Variants in SDK1 observed in about 807,000 individuals in gnomAD.
The protein encoded by SDK1 is sidekick cell adhesion molecule 1.
SDK1 carries 157 observed loss-of-function variants against 245.5 expected under a neutral mutation model. The ratio of observed to expected loss-of-function variants is 0.64; its 90% CI spans 0.56 to 0.73. The LOEUF (loss-of-function observed/expected upper bound fraction) is 0.73, where lower values mean the gene tolerates loss of function less well. Among genes scored for constraint, SDK1 ranks in the 30% least tolerant of loss-of-function variants. The pLI, the probability that SDK1 is intolerant of heterozygous loss-of-function variation, is 0.00. For missense variants in SDK1, 3,583 were observed against 3,002.3 expected (o/e 1.19, Z -4.52); for synonymous variants, 1,647 against 1,278.5 (o/e 1.29, Z -6.15).
intron 1 of SDK1, among the ~76,000 whole-genome samples, chr7:3,404,075 C>T (rs1044621760): frequency 1.3e-5 from 2 of 151,058 alleles, no homozygotes; most frequent in Admixed American, 1.3e-4. Flanking sequence ...AGAGTACATA[C>T]CTTAATTAAA....
intron 5 of SDK1, among the ~76,000 whole-genome samples, chr7:3,829,981 A>C (rs1027286873): frequency 2.6e-5 from 4 of 152,212 alleles, no homozygotes; most frequent in Admixed American, 1.3e-4. Flanking sequence ...ACAATAAGTC[A>C]CAATTTCTGA....
intron 4 of SDK1, among the ~76,000 whole-genome samples, chr7:3,680,729 A>G (rs979354607): frequency 6.6e-6 from 1 of 152,236 alleles, no homozygotes; most frequent in Non-Finnish European, 1.5e-5. Flanking sequence ...AACCTGTGGC[A>G]TCTGAGAATC....
rs375531390 is a variant in SDK1 at position 4,174,212 on chromosome 7, G to A, written c.4801-10G>A. 24 of 1,613,862 alleles carry A rather than the reference G, an allele frequency of 1.5e-5. No homozygotes were observed. Among genetic ancestry groups the A allele is most frequent in the Non-Finnish European group, 1.9e-5 (23 of 1,179,930 alleles). On this transcript the variant is annotated splice_polypyrimidine_tract_variant and intron_variant, in intron 32 of 44. Coordinates refer to ENST00000404826, the MANE Select transcript of SDK1 (RefSeq NM_152744.4). Reference sequence around the variant, plus strand: ...CATGGTGTGGCTGAGTCGGTGTGATGTCTTTGCAGCCTCCGAGGGACGAAA... The same window carrying A: ...CATGGTGTGGCTGAGTCGGTGTGATATCTTTGCAGCCTCCGAGGGACGAAA...
At chr7:3,930,555 G>A (rs549390668) in intron 5 of SDK1, among the ~76,000 whole-genome samples, 5 of 152,336 alleles carry the variant, frequency 3.3e-5, no homozygotes, top group East Asian at 3.9e-4. Context: ...GGTTTCCAGT[G>A]CTCAGAGACT....
intron 22 of SDK1, among the ~76,000 whole-genome samples, chr7:4,097,381 TTGTC>T (rs954713887): frequency 9.2e-5 from 14 of 152,322 alleles, no homozygotes; most frequent in South Asian, 6.2e-4. Context: ...AGCAGGGACT[TTGTC>T]TGAGCAGTGC....
At chr7:3,639,150 A>T in intron 3 of SDK1, 40 bp downstream of exon 3, 2 of 1,173,846 alleles carry the variant, frequency 1.7e-6, no homozygotes, top group East Asian at 2.5e-5. Context: ...GTTAAAGAAC[A>T]AAGTGTCGCT....
intron 1 of SDK1, among the ~76,000 whole-genome samples, chr7:3,320,841 T>C (rs2128547104): frequency 6.6e-6 from 1 of 152,264 alleles, no homozygotes; most frequent in South Asian, 2.1e-4. Context: ...ACAATTTTGG[T>C]ATGTTTCAGG....
At chr7:4,241,632 T>C (rs1786524491) in intron 42 of SDK1, among the ~76,000 whole-genome samples, 161 bp from the exon 43 acceptor site, 2 of 152,032 alleles carry the variant, frequency 1.3e-5, no homozygotes, top group African/African-American at 2.4e-5. Context: ...CTAGCTCTTC[T>C]CCCCAGCTCA....
At chr7:3,823,772 C>G (rs1779703043) in intron 5 of SDK1, among the ~76,000 whole-genome samples, 1 of 152,070 alleles carries the variant, frequency 6.6e-6, no homozygotes, top group South Asian at 2.1e-4. Context: ...AATCTTAGGA[C>G]AAAACCTACA....
intron 1 of SDK1, among the ~76,000 whole-genome samples, chr7:3,590,711 C>A (rs1221186016): frequency 1.3e-5 from 2 of 151,730 alleles, no homozygotes; most frequent in Non-Finnish European, 2.9e-5. Context: ...CTTAAAAATA[C>A]TGATAACAGA....
rs1231235856 is a variant in SDK1 at position 3,946,206 on chromosome 7, C to G, written c.848-4717C>G. Reference sequence around the variant, plus strand: ...TTTATTTATTTTTTTGAGACAGGGTCTTGCTCTGTTGCCCAGGCTGGAGTG... The same window carrying G: ...TTTATTTATTTTTTTGAGACAGGGTGTTGCTCTGTTGCCCAGGCTGGAGTG... On this transcript the variant is annotated intron_variant, in intron 5 of 44. Coordinates refer to ENST00000404826, the MANE Select transcript of SDK1 (RefSeq NM_152744.4). Among the ~76,000 whole-genome samples, 3 of 152,014 alleles carry G rather than the reference C, an allele frequency of 2.0e-5. No homozygotes were observed. The East Asian group carries it at 5.8e-4, about 29-fold the overall frequency.
At chr7:4,255,914 CTTTTTTTTT>C (rs34810935) in intron 44 of SDK1, among the ~76,000 whole-genome samples, 1 of 104,102 alleles carries the variant, frequency 9.6e-6, no homozygotes, top group East Asian at 2.6e-4. Flanking sequence ...TTTCCAAATA[CTTTTTTTTT>C]TTTTTTTTTT....
At chr7:3,594,623 C>T (rs1780993925) in intron 1 of SDK1, among the ~76,000 whole-genome samples, 1 of 152,104 alleles carries the variant, frequency 6.6e-6, no homozygotes, top group African/African-American at 2.4e-5. Flanking sequence ...CTTTTTGATT[C>T]TAGTCACTTT....
intron 1 of SDK1, among the ~76,000 whole-genome samples, chr7:3,412,169 C>A (rs922730631): frequency 1.3e-5 from 2 of 152,104 alleles, no homozygotes; most frequent in African/African-American, 4.8e-5. Context: ...GCAATTAATA[C>A]ATTTATATGG....
chr7:3,792,405 A>G (rs1205338077), intron 4 of SDK1, among the ~76,000 whole-genome samples: 2 of 152,138 alleles, frequency 1.3e-5, no homozygotes, highest in Admixed American at 1.3e-4. Context: ...TTGTTTTCCT[A>G]AGATCTACGT....
intron 30 of SDK1, among the ~76,000 whole-genome samples, chr7:4,153,974 C>G (rs144248064): frequency 6.6e-6 from 1 of 152,086 alleles, no homozygotes; most frequent in Non-Finnish European, 1.5e-5. Context: ...AGCTAACATG[C>G]CCGGCCAATA....
intron 5 of SDK1, among the ~76,000 whole-genome samples, chr7:3,875,373 AC>A (rs2115139996): frequency 6.6e-6 from 1 of 152,254 alleles, no homozygotes; most frequent in South Asian, 2.1e-4. Flanking sequence ...TCTGCCACTT[AC>A]CTTTTAAGTC....
chr7:3,321,828 C>CCTTCCTTCCTTCCTTCCTTCCTTCCTTT (rs1779820609), intron 1 of SDK1, among the ~76,000 whole-genome samples: 1 of 122,770 alleles, frequency 8.1e-6, no homozygotes, highest in African/African-American at 3.8e-5. Context: ...TTCCTTCCTT[C>CCTTCCTTCCTTCCTTCCTTCCTTCCTTT]CTCCTTTTCT....
In SDK1 at chr7:4,252,593, T is replaced by C. The variant is rs182664315; in HGVS notation, c.6381+6788T>C. 3.3e-5 allele frequency among the ~76,000 whole-genome samples: 5 copies of C among 152,190 alleles called. No individual in the cohort carries two copies. In the East Asian group the frequency reaches 9.6e-4, roughly 29 times the overall value. ...CTGAGCATTTTTGTATCTATACTTATAAGGGATATAGGTCTGTAGTTTACT... is the reference window on the plus strand; with the variant it reads ...CTGAGCATTTTTGTATCTATACTTACAAGGGATATAGGTCTGTAGTTTACT... On this transcript the variant is annotated intron_variant, in intron 44 of 44. Transcript: ENST00000404826.
Sources: allele counts gnomAD v4.1 joint callset (sites outside exome capture counted in the v4.1 genomes callset), GRCh38; gene constraint gnomAD v4.1.1; transcripts MANE v1.5; gene names NCBI Gene and HGNC (gene_info 2026-07-23, HGNC 2026-07-21).